JADE3: variants seen among roughly 807,000 people sequenced by gnomAD.
JADE3 encodes jade family PHD finger 3.
Under a neutral mutation model 50.1 loss-of-function variants are expected in JADE3, and 2 were observed. The observed-to-expected ratio is 0.04, with a 90% confidence interval of 0.02 to 0.13. JADE3 has a LOEUF of 0.13. Ranked by LOEUF, JADE3 falls within the 10% of genes least tolerant of loss-of-function variation. The pLI, the probability that JADE3 is intolerant of heterozygous loss-of-function variation, is 1.00. For missense variants in JADE3, 475 were observed against 634.4 expected (o/e 0.75, Z 2.70); for synonymous variants, 218 against 232.9 (o/e 0.94, Z 0.58).
chrX:47,009,969 G>A (rs1245049467), intron 4 of JADE3, among the ~76,000 whole-genome samples: 2 of 86,653 alleles, frequency 2.3e-5, no homozygotes, highest in Non-Finnish European at 4.0e-5. Flanking sequence ...TTTTGGCCGG[G>A]CATCTCAAAA....
At chrX:47,012,306 G>A (rs1043757250) in intron 4 of JADE3, among the ~76,000 whole-genome samples, 57 of 111,248 alleles carry the variant, frequency 5.1e-4, no homozygotes, top group African/African-American at 1.8e-3. Flanking sequence ...TTTGGGCCAG[G>A]TGCAGTGACT....
chrX:47,012,089 C>A (rs5952982), intron 4 of JADE3, among the ~76,000 whole-genome samples: 2,123 of 111,769 alleles, frequency 0.019, 60 homozygotes, highest in African/African-American at 0.064. Context: ...TCCATGCACA[C>A]CTCCTATGTT....
In JADE3 at chrX:47,058,792, C is replaced by T. The variant is rs782003476; in HGVS notation, c.2187C>T (p.Asp729=). 15 of 1,208,016 alleles carry T rather than the reference C, an allele frequency of 1.2e-5. No homozygotes were observed. In the Admixed American group the frequency reaches 2.8e-4, roughly 23 times the overall value. Residue 729 remains aspartate, a synonymous_variant, in exon 11 of 11, where the codon GAC becomes GAT. Transcript: ENST00000614628. ...ATAGGTGGGTGAAGAACACAGAGGA[C>T]CTCCAGTGCTATGTGAAGCCAACCA... ...TTNRWVKNTE[D]LQCYVKPTKN...
intron 6 of JADE3, among the ~76,000 whole-genome samples, chrX:47,033,106 C>T (rs1556367095): frequency 8.9e-6 from 1 of 112,067 alleles, no homozygotes; most frequent in Non-Finnish European, 1.9e-5. Context: ...TCAACCCAAG[C>T]AAGCAATTGC....
intron 1 of JADE3, among the ~76,000 whole-genome samples, chrX:46,973,788 A>T (rs1404081231): frequency 8.9e-6 from 1 of 112,681 alleles, no homozygotes; most frequent in African/African-American, 3.2e-5. Context: ...ACTTCTATTT[A>T]AGAAATAGTT....
rs781902538 is a variant in JADE3 at position 47,054,812 on chromosome X, G to A, written c.1443+184G>A. 3.6e-5 allele frequency among the ~76,000 whole-genome samples: 4 copies of A among 111,550 alleles called. No individual in the cohort carries two copies. The East Asian group carries it at 8.5e-4, about 24-fold the overall frequency. On this transcript the variant is annotated intron_variant, in intron 9 of 10. Transcript: ENST00000614628. ...TGTAAATTCTGACAGGCACATCCAG[G>A]GGATTTGGGAGGCCTCGGGTATATG...
chrX:47,038,805 T>A, intron 7 of JADE3, 144 bp from the exon 8 acceptor site: 1 of 450,670 alleles, frequency 2.2e-6, no homozygotes, highest in South Asian at 3.9e-5. Context: ...TTTTGTTTAT[T>A]CTTGATTCCA....
chrX:46,927,505 G>A (rs1340172952), intron 1 of JADE3, among the ~76,000 whole-genome samples: 1 of 112,049 alleles, frequency 8.9e-6, no homozygotes, highest in Non-Finnish European at 1.9e-5. Flanking sequence ...AGATGCCCAA[G>A]TTTGGTGGTT....
intron 1 of JADE3, among the ~76,000 whole-genome samples, chrX:46,913,087 TC>T (rs1569533502): frequency 8.9e-6 from 1 of 111,919 alleles, no homozygotes; most frequent in African/African-American, 3.2e-5. Flanking sequence ...CGGTGCCCCC[TC>T]CTGGCGCCCC....
Position 47,056,135 on chromosome X carries a change from C to G in JADE3, c.1497C>G (p.His499Gln), listed in dbSNP as rs1343965714. ...GACGAGAGAAGCTGAAGCTGTCACA[C>G]AACAAAATACAGGAACAGATCTTCG... ...ISRREKLKLS[H>Q]NKIQEQIFGL... is the part of the protein sequence containing the mutation. Residue 499 changes from histidine (H) to glutamine (Q), a missense_variant, in exon 10 of 11, where the codon CAC becomes CAG. By Grantham distance (24) the His-to-Gln change is conservative. Transcript: ENST00000614628. The G allele has an allele frequency of 8.3e-7, 1 of 1,208,025 alleles. No homozygotes were observed. Among genetic ancestry groups the G allele is most frequent in the African/African-American group, 1.7e-5 (1 of 57,697 alleles).
rs199889056 is a variant in JADE3, at chrX:46,971,108, ATTTTTTTT to A, written c.-11-13759_-11-13752del. Among the ~76,000 whole-genome samples the A allele has an allele frequency of 2.5e-3, 117 of 46,021 alleles. 1 individual carries two copies. The highest frequency in any genetic ancestry group is 7.7e-3 in the African/African-American group (82 of 10,665). The allele number at this position is 46,021 out of a possible 115,157, so 40.0% of individuals were successfully genotyped here. A position where few individuals can be genotyped will look rare whatever the true frequency, so the allele number is the denominator to read the frequency against. Reference sequence around the variant, plus strand: ...AAGTTGACTTATCTGGGTAGTTGAAATTTTTTTTTTTTTTTTTTTTTTTTGAAACGGAG... The same window carrying A: ...AAGTTGACTTATCTGGGTAGTTGAAATTTTTTTTTTTTTTTTGAAACGGAG... On this transcript the variant is annotated intron_variant, in intron 1 of 10. Transcript: ENST00000614628.
At chrX:46,937,981 A>C (rs782504019) in intron 1 of JADE3, among the ~76,000 whole-genome samples, 1 of 111,941 alleles carries the variant, frequency 8.9e-6, no homozygotes, top group Non-Finnish European at 1.9e-5. Flanking sequence ...TGCATCTCAA[A>C]TAAATAAACA....
Position 47,059,138 on chromosome X carries a change from T to C in JADE3, c.*61T>C, listed in dbSNP as rs1176358526. ...TGCCCCATATATTGGGGAAAACCCA[T>C]ACACCAAAAGGATTTTAGCATATGT... On this transcript the variant is annotated 3_prime_UTR_variant, in exon 11 of 11. Coordinates refer to ENST00000614628, the MANE Select transcript of JADE3 (RefSeq NM_014735.5). 11 of 847,849 alleles carry C rather than the reference T, an allele frequency of 1.3e-5. No homozygotes were observed. The highest frequency in any genetic ancestry group is 1.8e-5 in the Non-Finnish European group (11 of 611,568). 69.9% of individuals were successfully genotyped at this position (847,849 alleles called of 1,213,427 possible).
At chrX:46,951,248 G>A (rs1294151948) in intron 1 of JADE3, among the ~76,000 whole-genome samples, 1 of 92,300 alleles carries the variant, frequency 1.1e-5, no homozygotes, top group Non-Finnish European at 2.1e-5. Context: ...GGCTGGTCTC[G>A]AACTCCTGAC....
intron 1 of JADE3, among the ~76,000 whole-genome samples, chrX:46,964,445 G>A (rs1927328237): frequency 8.9e-6 from 1 of 111,910 alleles, no homozygotes; most frequent in African/African-American, 3.2e-5. Flanking sequence ...ACCTATGCCA[G>A]AGAGGCCTTA....
At chrX:46,924,748 G>A (rs1352357472) in intron 1 of JADE3, among the ~76,000 whole-genome samples, 1 of 111,984 alleles carries the variant, frequency 8.9e-6, no homozygotes, top group Non-Finnish European at 1.9e-5. Flanking sequence ...AACATTATAC[G>A]TTTGTCTTGC....
At chrX:46,943,208 G>A (rs1475099016) in intron 1 of JADE3, among the ~76,000 whole-genome samples, 1 of 111,253 alleles carries the variant, frequency 9.0e-6, no homozygotes, top group Non-Finnish European at 1.9e-5. Context: ...CTTGCCTAAT[G>A]GCTCTGGCTA....
intron 1 of JADE3, among the ~76,000 whole-genome samples, chrX:46,918,110 T>C (rs1438742461): frequency 6.3e-5 from 7 of 111,554 alleles, no homozygotes; most frequent in South Asian, 7.5e-4. Context: ...AAGCTGGTCC[T>C]TCAGAATGCT....
intron 7 of JADE3, 125 bp downstream of exon 7, chrX:47,033,913 T>G: frequency 1.8e-6 from 1 of 553,944 alleles, no homozygotes; most frequent in Non-Finnish European, 2.8e-6. Context: ...GAAGTAATAG[T>G]ACTTCCACTT....
Sources: allele counts gnomAD v4.1 joint callset (sites outside exome capture counted in the v4.1 genomes callset), GRCh38; gene constraint gnomAD v4.1.1; transcripts MANE v1.5; gene names NCBI Gene and HGNC (gene_info 2026-07-23, HGNC 2026-07-21).